The following ITM2C variants were observed in gnomAD, a reference collection of about 807,000 sequenced individuals.
ITM2C encodes integral membrane protein 2C, also known as BRICHOS domain containing 2C.
A neutral mutation model predicts 30.0 loss-of-function variants in ITM2C; 20 were observed. The observed-to-expected ratio is 0.67, with a 90% CI of 0.47 to 0.97. The LOEUF is 0.97. Among genes scored for constraint, ITM2C ranks in the 50% least tolerant of loss-of-function variants. ITM2C has a pLI of 0.00. For missense variants in ITM2C, 366 were observed against 371.9 expected (o/e 0.98, Z 0.13); for synonymous variants, 167 against 156.4 (o/e 1.07, Z -0.51).
At position 230,879,107 on chromosome 2, in the gene ITM2C, C is replaced by T. The variant is rs938841393; in HGVS notation, c.*1008C>T. The stretch of plus-strand genomic sequence containing the variant: ...CTGATCATTCGATATGCTAACCGTT[C>T]TCAGCCCTGAGCCTTGGAGAGGAGG... On this transcript the variant is annotated 3_prime_UTR_variant, in exon 6 of 6. Transcript: ENST00000326427. The T allele has an allele frequency of 1.3e-5, 2 of 152,670 alleles. No homozygotes were observed. Among genetic ancestry groups the T allele is most frequent in the African/African-American group, 2.4e-5 (1 of 41,432 alleles). The allele number at this position is 152,670 out of a possible 1,614,324, so 9.5% of individuals were successfully genotyped here.
intron 2 of ITM2C, among the ~76,000 whole-genome samples, chr2:230,874,130 G>T (rs372577256): frequency 6.6e-6 from 1 of 152,200 alleles, no homozygotes; most frequent in East Asian, 1.9e-4. Context: ...GGAAATGAAA[G>T]TAGGTAAATT....
intron 1 of ITM2C, among the ~76,000 whole-genome samples, chr2:230,872,199 A>G (rs553052182): frequency 5.3e-5 from 8 of 152,306 alleles, no homozygotes; most frequent in African/African-American, 1.2e-4. Context: ...CCTCTCCCCA[A>G]TACTGCGGCA....
intron 1 of ITM2C, among the ~76,000 whole-genome samples, chr2:230,871,237 G>A (rs2125018335): frequency 6.6e-6 from 1 of 152,348 alleles, no homozygotes; most frequent in Middle Eastern, 3.4e-3. Flanking sequence ...GTGTCCCGAG[G>A]GCAGATTTCC....
intron 2 of ITM2C, among the ~76,000 whole-genome samples, chr2:230,873,787 C>T (rs925963917): frequency 3.3e-5 from 5 of 152,208 alleles, no homozygotes; most frequent in Non-Finnish European, 7.3e-5. Flanking sequence ...AGCATGAATC[C>T]GGGTGACAGC....
rs1359163809 is a variant in ITM2C at position 230,875,680 on chromosome 2, G to T, written c.322G>T (p.Val108Phe). The T allele has an allele frequency of 1.2e-6, 2 of 1,613,786 alleles. No individual in the cohort carries two copies. Among genetic ancestry groups the T allele is most frequent in the Non-Finnish European group, 8.5e-7 (1 of 1,179,880 alleles). Residue 108 changes from valine (V) to phenylalanine (F), a missense_variant, in exon 3 of 6, where the codon GTC becomes TTC. Val to Phe is a conservative substitution (Grantham distance 50). Transcript: ENST00000326427. ...GTATGAGGACTCCCTGTCCTCCCAG[G>T]TCCGGACTCAGATGGAGCTGGAAGA... ...VLYEDSLSSQVRTQMELEEDV... is the reference protein window; with the variant it reads ...VLYEDSLSSQFRTQMELEEDV...
At chr2:230,876,567 C>T (rs968489938) in intron 3 of ITM2C, among the ~76,000 whole-genome samples, 34 of 152,100 alleles carry the variant, frequency 2.2e-4, no homozygotes, top group African/African-American at 8.0e-4. Context: ...CTGCAAGCTC[C>T]GCCTCCTGGG....
intron 2 of ITM2C, among the ~76,000 whole-genome samples, chr2:230,874,843 G>A (rs1697251316): frequency 6.6e-6 from 1 of 152,158 alleles, no homozygotes; most frequent in Non-Finnish European, 1.5e-5. Context: ...TTCAGTTGAT[G>A]GGATCACACC....
At position 230,875,792 on chromosome 2, in the gene ITM2C, T is replaced by C; in HGVS notation, c.434T>C (p.Ile145Thr). Residue 145 changes from isoleucine (I) to threonine (T), a missense_variant, in exon 3 of 6, where the codon ATC becomes ACC. Physicochemically the swap from Ile to Thr is moderately conservative, Grantham distance 89 (BLOSUM62 -1). Coordinates refer to ENST00000326427, the MANE Select transcript of ITM2C (RefSeq NM_030926.6). ...QFGGGDPADI[I>T]HDFQRGLTAY... ...GGCGGCGGTGACCCTGCAGACATCA[T>C]CCATGACTTCCAGCGGGTGAGGCTG... The C allele has an allele frequency of 7.7e-7, 1 of 1,305,706 alleles. No individual in the cohort carries two copies. Among genetic ancestry groups the C allele is most frequent in the African/African-American group, 1.7e-5 (1 of 59,152 alleles). 80.9% of individuals were successfully genotyped at this position (1,305,706 alleles called of 1,614,324 possible).
At chr2:230,875,275 G>A (rs1697263272) in intron 2 of ITM2C, among the ~76,000 whole-genome samples, 1 of 152,198 alleles carries the variant, frequency 6.6e-6, no homozygotes, top group African/African-American at 2.4e-5. Context: ...TTGGAGGCCA[G>A]AAGGGACCTT....
Position 230,878,054 on chromosome 2 carries a change from C to T in ITM2C, c.759C>T (p.Phe253=), listed in dbSNP as rs375376699. Residue 253 remains phenylalanine, a synonymous_variant, in exon 6 of 6, where the codon TTC becomes TTT. Transcript: ENST00000326427. The surrounding 1 kb of genome is among the most constrained non-coding windows in gnomAD (Gnocchi z 4.5). The part of the protein sequence containing the change: ...GAKNCNAIRH[F]ENTFVVETLI... ...AGAACTGCAATGCCATCCGCCACTT[C>T]GAGAACACCTTCGTGGTGGAGACGC... is the stretch of plus-strand genomic sequence containing the variant. 17 of 1,608,572 alleles carry T rather than the reference C, an allele frequency of 1.1e-5. No individual in the cohort carries two copies. In the African/African-American group the frequency reaches 1.2e-4, roughly 11 times the overall value.
chr2:230,874,186 A>G (rs1227558658), intron 2 of ITM2C, among the ~76,000 whole-genome samples: 6 of 152,226 alleles, frequency 3.9e-5, no homozygotes, highest in Admixed American at 3.9e-4. Flanking sequence ...TCAGGGTGAC[A>G]AAGAGGTGGG....
Position 230,865,359 on chromosome 2 carries a change from G to T in ITM2C, c.120+214G>T. 1 of 454,604 alleles carries T rather than the reference G, an allele frequency of 2.2e-6. No individual in the cohort carries two copies. Among genetic ancestry groups the T allele is most frequent in the Non-Finnish European group, 3.6e-6 (1 of 279,320 alleles). The allele number at this position is 454,604 out of a possible 1,614,324, so 28.2% of individuals were successfully genotyped here. A position where few individuals can be genotyped will look rare whatever the true frequency, so the allele number is the denominator to read the frequency against. ...GCAGCCAAAAGCTGAAGTCCGAAGAGTGGGAGGCGTCTGGTTCTGGTCTTC... is the reference window on the plus strand; with the variant it reads ...GCAGCCAAAAGCTGAAGTCCGAAGATTGGGAGGCGTCTGGTTCTGGTCTTC... On this transcript the variant is annotated intron_variant, in intron 1 of 5. Transcript: ENST00000326427. The surrounding 1 kb of genome is among the most constrained non-coding windows in gnomAD (Gnocchi z 6.8).
At chr2:230,875,316 C>A (rs771166247) in intron 2 of ITM2C, among the ~76,000 whole-genome samples, 8 of 152,188 alleles carry the variant, frequency 5.3e-5, no homozygotes, top group Non-Finnish European at 8.8e-5. Context: ...GATGGGGAAA[C>A]TGAGGCCCAG....
intron 2 of ITM2C, 147 bp downstream of exon 2, chr2:230,873,704 G>A: frequency 1.4e-6 from 1 of 735,032 alleles, no homozygotes. Flanking sequence ...ACAAGACTGG[G>A]GTGCCCCCTC....
At chr2:230,875,896 C>T (rs1221520939) in intron 3 of ITM2C, 88 bp downstream of exon 3, 20 of 1,089,798 alleles carry the variant, frequency 1.8e-5, no homozygotes, top group East Asian at 4.8e-5. Context: ...GGAGACTCCT[C>T]GGAGTACAGC....
At chr2:230,872,214 G>A (rs1241433369) in intron 1 of ITM2C, among the ~76,000 whole-genome samples, 4 of 152,222 alleles carry the variant, frequency 2.6e-5, no homozygotes, top group Non-Finnish European at 4.4e-5. Context: ...GCGGCAGTCC[G>A]CAGGGACTGA....
At chr2:230,871,048 C>G (rs1178959797) in intron 1 of ITM2C, among the ~76,000 whole-genome samples, 1 of 152,222 alleles carries the variant, frequency 6.6e-6, no homozygotes, top group Non-Finnish European at 1.5e-5. Context: ...TTATCTAGCA[C>G]TTGATCCTTT....
At chr2:230,866,473 C>T (rs1195146737) in intron 1 of ITM2C, among the ~76,000 whole-genome samples, 2 of 151,966 alleles carry the variant, frequency 1.3e-5, no homozygotes, top group African/African-American at 2.4e-5. Flanking sequence ...GTGAGGAATG[C>T]CAGGAGACTG....
At position 230,877,577 on chromosome 2, in the gene ITM2C, G is replaced by T; in HGVS notation, c.712+27G>T. ...TGAGTGGCTGGCTTCACCCACAGTA[G>T]CCCCTGTCCCGTGCCCCAGACCACA... On this transcript the variant is annotated intron_variant, in intron 5 of 5. Coordinates refer to ENST00000326427, the MANE Select transcript of ITM2C (RefSeq NM_030926.6). This position sits in a 1 kb window ranked among gnomAD's most constrained non-coding sequence, Gnocchi z 4.8. 6.2e-7 allele frequency: 1 copy of T among 1,611,484 alleles called. No homozygotes were observed. Among genetic ancestry groups the T allele is most frequent in the Non-Finnish European group, 8.5e-7 (1 of 1,179,418 alleles).
Sources: allele counts gnomAD v4.1 joint callset (sites outside exome capture counted in the v4.1 genomes callset), GRCh38; gene constraint gnomAD v4.1.1; non-coding constraint Gnocchi (gnomAD v3.1); transcripts MANE v1.5; gene names NCBI Gene and HGNC (gene_info 2026-07-23, HGNC 2026-07-21).